Variants in CDK17 observed in about 807,000 individuals in gnomAD.
CDK17 encodes cyclin dependent kinase 17.
In CDK17, 24 loss-of-function variants were observed where a neutral mutation model predicts 77.6. The observed-to-expected ratio is 0.31, with a 90% confidence interval of 0.22 to 0.44. The LOEUF is 0.44. CDK17 is among the 20% of genes least tolerant of loss of function. The probability of loss-of-function intolerance (pLI) is 1.00; values close to 1 mark genes in which losing one functional copy is unlikely to be tolerated. For synonymous variants in CDK17, 203 were observed against 210.4 expected, an observed-to-expected ratio of 0.96 and a Z score of 0.30; for missense variants, 429 against 622.5, an observed-to-expected ratio of 0.69 and a Z score of 3.31.
At chr12:96,383,290 T>C (rs886300163) in intron 1 of CDK17, among the ~76,000 whole-genome samples, 1 of 151,730 alleles carries the variant, frequency 6.6e-6, no homozygotes, top group African/African-American at 2.4e-5. Flanking sequence ...AAACATTCCA[T>C]GGTCATTAAT....
intron 7 of CDK17, 151 bp downstream of exon 7, chr12:96,298,718 T>G (rs1952450901): frequency 1.9e-6 from 1 of 533,238 alleles, no homozygotes; most frequent in Non-Finnish European, 3.3e-6. Context: ...AATTAATCCC[T>G]TTGAGTATTT....
chr12:96,373,607 G>C (rs1313218502), intron 1 of CDK17, among the ~76,000 whole-genome samples: 1 of 151,526 alleles, frequency 6.6e-6, no homozygotes, highest in Non-Finnish European at 1.5e-5. Context: ...GAAGAAAAGA[G>C]AGAGAGAGAA....
intron 3 of CDK17, among the ~76,000 whole-genome samples, chr12:96,316,316 G>A (rs372694751): frequency 1.5e-3 from 231 of 152,106 alleles, no homozygotes; most frequent in African/African-American, 5.1e-3. Flanking sequence ...CGCCCACGGA[G>A]TCTTGCTGAT....
intron 5 of CDK17, 58 bp downstream of exon 5, chr12:96,310,994 G>C: frequency 6.6e-7 from 1 of 1,521,278 alleles, no homozygotes; most frequent in Non-Finnish European, 8.8e-7. Context: ...TTTACACCCA[G>C]AAGCAGCAAA....
chr12:96,365,367 A>G (rs2137196564), intron 1 of CDK17, among the ~76,000 whole-genome samples: 1 of 152,310 alleles, frequency 6.6e-6, no homozygotes, highest in East Asian at 1.9e-4. Context: ...TACCATTCCT[A>G]TTATATAAAG....
At chr12:96,284,376 G>A in intron 13 of CDK17, 1 of 151,332 alleles carries the variant, frequency 6.6e-6, no homozygotes, top group Non-Finnish European at 1.5e-5. Context: ...CAGGAGAATG[G>A]CGTGAACCCG....
chr12:96,354,866 AGAGT>A (rs1335342877), intron 1 of CDK17, among the ~76,000 whole-genome samples: 4 of 152,178 alleles, frequency 2.6e-5, no homozygotes, highest in Admixed American at 6.5e-5. Flanking sequence ...CCTGGGAATC[AGAGT>A]GAGACCCCAA....
chr12:96,347,992 T>C (rs899533036), intron 1 of CDK17, among the ~76,000 whole-genome samples: 21 of 151,862 alleles, frequency 1.4e-4, no homozygotes, highest in Non-Finnish European at 2.4e-4. Flanking sequence ...AAAAAGACCC[T>C]CATGCAAATG....
At chr12:96,308,641 A>G (rs1232806967) in intron 5 of CDK17, among the ~76,000 whole-genome samples, 1 of 146,042 alleles carries the variant, frequency 6.8e-6, no homozygotes, top group Non-Finnish European at 1.5e-5. Context: ...AGGCCAGAGA[A>G]TCGCTTGAAC....
intron 1 of CDK17, among the ~76,000 whole-genome samples, chr12:96,355,254 T>C (rs1401217246): frequency 1.3e-5 from 2 of 151,924 alleles, no homozygotes; most frequent in Non-Finnish European, 2.9e-5. Flanking sequence ...GCTCATTTCC[T>C]TATTTCCTTT....
At chr12:96,297,822 A>ACT in intron 7 of CDK17, 101 bp from the exon 8 acceptor site, 1 of 659,440 alleles carries the variant, frequency 1.5e-6, no homozygotes, top group Non-Finnish European at 2.6e-6. Context: ...TCTTAAGTTT[A>ACT]GGTCTTGGGC....
chr12:96,399,192 C>T (rs1201941278), intron 1 of CDK17: 1 of 152,334 alleles, frequency 6.6e-6, no homozygotes, highest in Non-Finnish European at 1.5e-5. Context: ...GAATCTGGAG[C>T]TATCCAGCTG....
At chr12:96,307,408 A>G (rs1952589921) in intron 5 of CDK17, among the ~76,000 whole-genome samples, 6 of 152,214 alleles carry the variant, frequency 3.9e-5, no homozygotes, top group South Asian at 4.1e-4. Flanking sequence ...ACTGTAAAAG[A>G]TAGCTCCTAA....
Position 96,400,034 on chromosome 12 carries a change from G to A in CDK17, c.-78C>T, listed in dbSNP as rs988539206. On this transcript the variant is annotated 5_prime_UTR_variant, in exon 1 of 17. Transcript: ENST00000261211. ...CCCGAGGCGAGGCGAAGAGAGGCGC[G>A]GGGGGAAGCTGCTCCGCGGACGCCC... 2.1e-5 allele frequency: 8 copies of A among 385,642 alleles called. No homozygotes were observed. The highest frequency in any genetic ancestry group is 1.7e-4 in the African/African-American group (8 of 48,056). The allele number at this position is 385,642 out of a possible 1,614,324, so 23.9% of individuals were successfully genotyped here. A position where few individuals can be genotyped will look rare whatever the true frequency, so the allele number is the denominator to read the frequency against.
At chr12:96,331,469 T>C (rs187983137) in intron 2 of CDK17, among the ~76,000 whole-genome samples, 2 of 152,314 alleles carry the variant, frequency 1.3e-5, no homozygotes, top group East Asian at 3.9e-4. Context: ...TTTCAACTTT[T>C]TTTTTTTTAG....
rs1952886320 is a variant in CDK17, at chr12:96,325,863, A to G, written c.119-1751T>C. Among the ~76,000 whole-genome samples the G allele has an allele frequency of 2.0e-5, 3 of 152,318 alleles. 1 individual carries two copies. The highest frequency in any genetic ancestry group is 4.1e-4 in the South Asian group (2 of 4,828). On this transcript the variant is annotated intron_variant, in intron 2 of 16. Transcript: ENST00000261211. ...GGGATAATACAGGCTACAGCATACA[A>G]TAAGATTTTTCTCAGCCAAGCATGA...
At chr12:96,367,391 T>C (rs1281103277) in intron 1 of CDK17, among the ~76,000 whole-genome samples, 1 of 128,808 alleles carries the variant, frequency 7.8e-6, no homozygotes, top group Non-Finnish European at 1.7e-5. Context: ...TAAAGTAAAA[T>C]AGTTCTCAAG....
At chr12:96,309,409 T>C (rs187832032) in intron 5 of CDK17, among the ~76,000 whole-genome samples, 2 of 152,364 alleles carry the variant, frequency 1.3e-5, no homozygotes, top group African/African-American at 4.8e-5. Flanking sequence ...AAGCACTTTA[T>C]ATGTATCTCT....
intron 11 of CDK17, among the ~76,000 whole-genome samples, chr12:96,288,884 T>G (rs1252642364): frequency 6.6e-6 from 1 of 152,242 alleles, no homozygotes; most frequent in Non-Finnish European, 1.5e-5. Flanking sequence ...TAACATCACC[T>G]ACAACACTTC....
Sources: gnomAD v4.1 joint callset for allele counts (sites outside exome capture counted in the v4.1 genomes callset) on GRCh38, gnomAD v4.1.1 for gene constraint, MANE v1.5 for transcripts, NCBI Gene and HGNC (gene_info 2026-07-23, HGNC 2026-07-21) for gene names.